The following PNPLA4 variants were observed in gnomAD, a reference collection of about 807,000 sequenced individuals.
The protein encoded by PNPLA4 is patatin-like phospholipase domain-containing protein 4.
In PNPLA4, 15 loss-of-function variants were observed where a neutral mutation model predicts 18.3. The observed-to-expected ratio is 0.82, with a 90% CI of 0.55 to 1.26. The LOEUF (loss-of-function observed/expected upper bound fraction) is 1.26, where lower values mean the gene tolerates loss of function less well. PNPLA4 is among the 50% of genes most tolerant of loss of function. The probability of loss-of-function intolerance (pLI) is 0.00; values close to 1 mark genes in which losing one functional copy is unlikely to be tolerated. For synonymous variants in PNPLA4, 88 were observed against 85.6 expected, an observed-to-expected ratio of 1.03 and a Z score of -0.16; for missense variants, 229 against 196.8, an observed-to-expected ratio of 1.16 and a Z score of -0.98.
Position 7,921,735 on chromosome X carries a change from G to C in PNPLA4, c.389C>G (p.Ser130Cys), listed in dbSNP as rs1269441375. ...TRENHLVSTF[S>C]SREDLIKVLL... ...TACCTTAATGAGGTCCTCCCTGGAG[G>C]AAAAAGTGGAGACTAAGTGATTTTC... is the stretch of plus-strand genomic sequence containing the variant. The change falls in exon 4 of 7, where the codon TCC (serine) becomes TGC (cysteine). Residue 130 changes from serine to cysteine, a missense_variant. Physicochemically the swap from Ser to Cys is moderately radical, Grantham distance 112 (BLOSUM62 -1). Transcript: ENST00000381042. The C allele has an allele frequency of 8.3e-7, 1 of 1,204,924 alleles. No individual in the cohort carries two copies.
chrX:7,922,000 A>T lies in PNPLA4; in HGVS notation c.275+4T>A, dbSNP rs759963333. The T allele has an allele frequency of 2.5e-6, 3 of 1,193,577 alleles. No homozygotes were observed. Among genetic ancestry groups the T allele is most frequent in the Non-Finnish European group, 3.4e-6 (3 of 880,664 alleles). ...TACTTTTGGGCAAAATGTACTCTGT[A>T]TACCTTAGTCGGGCCATGAAGTCAT... On this transcript the variant is annotated splice_donor_region_variant and intron_variant, in intron 3 of 6. Transcript: ENST00000381042.
rs746550766 is a variant in PNPLA4, at chrX:7,902,114, C to T, written c.505G>A (p.Ala169Thr). The T allele has an allele frequency of 7.1e-5, 86 of 1,204,052 alleles. No individual in the cohort carries two copies. Among genetic ancestry groups the T allele is most frequent in the Non-Finnish European group, 8.6e-5 (77 of 892,734 alleles). Residue 169 changes from alanine to threonine, a missense_variant, in exon 6 of 7, where the codon GCT becomes ACT. Transcript: ENST00000381042. ...QKWVDGGLTNALPILPVGRTV... is the reference protein window; with the variant it reads ...QKWVDGGLTNTLPILPVGRTV... The stretch of plus-strand genomic sequence containing the variant: ...CGGCCGACGGGCAGGATGGGAAGAG[C>T]GTTGGTGAGGCCTCCGTCCACCCAC...
chrX:7,927,712 C>T (rs989537198), upstream of PNPLA4: 7 of 112,910 alleles, frequency 6.2e-5, no homozygotes, highest in African/African-American at 1.9e-4. Flanking sequence ...TTTCTGTGCC[C>T]CGGAAGTGCC....
At chrX:7,903,857 G>A (rs1229899895) in intron 5 of PNPLA4, among the ~76,000 whole-genome samples, 1 of 111,397 alleles carries the variant, frequency 9.0e-6, no homozygotes, top group African/African-American at 3.3e-5. Context: ...TATATTATGT[G>A]TTATGTGTAT....
At position 7,914,607 on chromosome X, in the gene PNPLA4, C is replaced by T. The variant is rs185541765; in HGVS notation, c.412-2514G>A. Among the ~76,000 whole-genome samples, 385 of 112,065 alleles carry T rather than the reference C, an allele frequency of 3.4e-3. 1 individual carries two copies. Among genetic ancestry groups the T allele is most frequent in the African/African-American group, 0.012 (362 of 30,849 alleles). Reference sequence around the variant, plus strand: ...AATAACTAGAGCAATTTGTAGATAGCGTACATATTGTGAAATTACAGTACT... The same window carrying T: ...AATAACTAGAGCAATTTGTAGATAGTGTACATATTGTGAAATTACAGTACT... On this transcript the variant is annotated intron_variant, in intron 4 of 6. Transcript: ENST00000381042.
intron 5 of PNPLA4, 24 bp downstream of exon 5, chrX:7,912,004 A>G (rs1923891234): frequency 1.8e-6 from 2 of 1,091,049 alleles, no homozygotes; most frequent in East Asian, 6.0e-5. Flanking sequence ...GAGGAGGGTA[A>G]TTCCTCAGTT....
At chrX:7,920,449 T>A (rs1184753157) in intron 4 of PNPLA4, among the ~76,000 whole-genome samples, 2 of 112,268 alleles carry the variant, frequency 1.8e-5, no homozygotes, top group East Asian at 5.6e-4. Context: ...AGTGAGAGAA[T>A]GACGTAATAG....
chrX:7,900,762 C>G lies in PNPLA4; in HGVS notation c.686G>C (p.Arg229Thr). 8.3e-7 allele frequency: 1 copy of G among 1,202,668 alleles called. No individual in the cohort carries two copies. Among genetic ancestry groups the G allele is most frequent in the Non-Finnish European group, 1.1e-6 (1 of 888,579 alleles). ...LNQALFPPSK[R>T]KMESLYQCGF... is the part of the protein sequence containing the mutation. ...ACACTGATACAAAGATTCCATTTTC[C>G]TCTTGCTTGGGGGAAAAAGGGCTTG... The change falls in exon 7 of 7, where the codon AGG (arginine) becomes ACG (threonine). Residue 229 changes from arginine (R) to threonine (T), a missense_variant. By Grantham distance (71) the Arg-to-Thr change is moderately conservative (BLOSUM62 -1). Coordinates refer to ENST00000381042, the MANE Select transcript of PNPLA4 (RefSeq NM_004650.3).
At position 7,922,011 on chromosome X, in the gene PNPLA4, G is replaced by A. The variant is rs1453644743; in HGVS notation, c.268C>T (p.Arg90Ter). 1.4e-5 allele frequency: 17 copies of A among 1,199,098 alleles called. No homozygotes were observed. The highest frequency in any genetic ancestry group is 5.9e-5 in the East Asian group (2 of 33,703). The change falls in exon 3 of 7, where the codon CGA becomes TGA. Residue 90 changes from arginine (R) to a stop codon, truncating the protein, a stop_gained. Coordinates refer to ENST00000381042, the MANE Select transcript of PNPLA4 (RefSeq NM_004650.3). LOFTEE classifies it high-confidence loss of function. The stretch of plus-strand genomic sequence containing the variant: ...AAAATGTACTCTGTATACCTTAGTC[G>A]GGCCATGAAGTCATAACCGGGCGTT... ...AVTPGYDFMA[R>*]LRSGMESILP...
At chrX:7,922,648 C>A (rs1431834674) in intron 2 of PNPLA4, among the ~76,000 whole-genome samples, 1 of 112,330 alleles carries the variant, frequency 8.9e-6, no homozygotes, top group Admixed American at 9.4e-5. Context: ...AGAGGTGACA[C>A]TGTCAGTTCA....
At chrX:7,906,508 C>G (rs1923709626) in intron 5 of PNPLA4, among the ~76,000 whole-genome samples, 1 of 111,763 alleles carries the variant, frequency 8.9e-6, no homozygotes, top group Non-Finnish European at 1.9e-5. Context: ...CTATAAACAC[C>G]ATACAGAAAA....
chrX:7,923,550 A>T (rs192716746), intron 2 of PNPLA4, among the ~76,000 whole-genome samples: 131 of 112,159 alleles, frequency 1.2e-3, no homozygotes, highest in African/African-American at 3.9e-3. Flanking sequence ...CCTTTGTCAA[A>T]TCAGCAACGG....
At chrX:7,918,336 G>A (rs1184460341) in intron 4 of PNPLA4, among the ~76,000 whole-genome samples, 4 of 111,770 alleles carry the variant, frequency 3.6e-5, no homozygotes, top group Non-Finnish European at 7.5e-5. Flanking sequence ...ATGGCAGCAG[G>A]CAAGAGAGAG....
Position 7,898,624 on chromosome X carries a change from A to C in PNPLA4, c.*2062T>G, listed in dbSNP as rs750376514. On this transcript the variant is annotated 3_prime_UTR_variant, in exon 7 of 7. Transcript: ENST00000381042. ...CCGCTGTATTCCCCTCATGTAGGAA[A>C]GTTGCTGCAGACTGATACGTCAATG... 2.7e-5 allele frequency: 3 copies of C among 111,890 alleles called. No individual in the cohort carries two copies. Among genetic ancestry groups the C allele is most frequent in the Non-Finnish European group, 5.6e-5 (3 of 53,227 alleles). The allele number at this position is 111,890 out of a possible 1,213,427, so 9.2% of individuals were successfully genotyped here.
intron 2 of PNPLA4, among the ~76,000 whole-genome samples, chrX:7,922,481 A>G (rs1365242623): frequency 1.8e-5 from 2 of 112,607 alleles, no homozygotes; most frequent in African/African-American, 6.5e-5. Flanking sequence ...CCGTGCAACA[A>G]AGCTGATTAC....
intron 4 of PNPLA4, among the ~76,000 whole-genome samples, chrX:7,914,851 GATA>G (rs1287361998): frequency 3.6e-5 from 4 of 111,618 alleles, no homozygotes; most frequent in Non-Finnish European, 5.6e-5. Flanking sequence ...CTTTCCTACA[GATA>G]ATAACAGTAA....
Position 7,900,588 on chromosome X carries a change from A to C in PNPLA4, c.*98T>G. On this transcript the variant is annotated 3_prime_UTR_variant, in exon 7 of 7. Transcript: ENST00000381042. ...AAACACAAATATTACAAGGAGTAATACAATTGAGTCATGATAGATTTTCTA... is the reference window on the plus strand; with the variant it reads ...AAACACAAATATTACAAGGAGTAATCCAATTGAGTCATGATAGATTTTCTA... 1.8e-6 allele frequency: 1 copy of C among 556,227 alleles called. No homozygotes were observed. The highest frequency in any genetic ancestry group is 2.8e-6 in the Non-Finnish European group (1 of 357,486). 45.8% of individuals were successfully genotyped at this position (556,227 alleles called of 1,213,427 possible).
chrX:7,926,252 A>G, intron 1 of PNPLA4, 120 bp from the exon 2 acceptor site: 1 of 491,557 alleles, frequency 2.0e-6, no homozygotes. Flanking sequence ...TTTTAAGCAC[A>G]GTGGTTTCAA....
intron 4 of PNPLA4, among the ~76,000 whole-genome samples, chrX:7,915,294 C>T (rs965730525): frequency 3.5e-4 from 9 of 25,790 alleles, no homozygotes; most frequent in African/African-American, 2.1e-3. Flanking sequence ...CTGTCATAAC[C>T]TGGGGTGGAG....
Sources: allele counts gnomAD v4.1 joint callset (sites outside exome capture counted in the v4.1 genomes callset), GRCh38; gene constraint gnomAD v4.1.1; transcripts MANE v1.5; gene names NCBI Gene and HGNC (gene_info 2026-07-23, HGNC 2026-07-21).